The following LMX1A variants were observed in gnomAD, a reference collection of about 807,000 sequenced individuals.
LMX1A encodes the protein LIM homeobox transcription factor 1 alpha.
In LMX1A, 15 loss-of-function variants were observed where a neutral mutation model predicts 49.1. The observed-to-expected ratio is 0.31, with a 90% CI of 0.20 to 0.47. The LOEUF (loss-of-function observed/expected upper bound fraction) is 0.47, where lower values mean the gene tolerates loss of function less well. Among genes scored for constraint, LMX1A ranks in the 20% least tolerant of loss-of-function variants. The pLI, the probability that LMX1A is intolerant of heterozygous loss-of-function variation, is 1.00. For missense variants in LMX1A, 372 were observed against 475.8 expected (o/e 0.78, Z 2.03); for synonymous variants, 167 against 185.7 (o/e 0.90, Z 0.82).
intron 3 of LMX1A, among the ~76,000 whole-genome samples, chr1:165,297,001 G>T (rs1462483781): frequency 6.6e-6 from 1 of 152,218 alleles, no homozygotes; most frequent in Admixed American, 6.5e-5. Context: ...CAGGTGTCCT[G>T]GTCTGAGTGC....
chr1:165,279,123 A>G (rs553964739), intron 3 of LMX1A, among the ~76,000 whole-genome samples: 1 of 152,194 alleles, frequency 6.6e-6, no homozygotes, highest in Non-Finnish European at 1.5e-5. Context: ...TCCCTCATCA[A>G]TGAGTTCCAG....
intron 3 of LMX1A, among the ~76,000 whole-genome samples, chr1:165,313,436 C>A (rs1655128988): frequency 6.6e-6 from 1 of 150,440 alleles, no homozygotes; most frequent in African/African-American, 2.4e-5. Context: ...AATGATCAAC[C>A]AACTTCTTCA....
chr1:165,327,536 T>C (rs1039716306), intron 3 of LMX1A, among the ~76,000 whole-genome samples: 4 of 152,194 alleles, frequency 2.6e-5, no homozygotes, highest in African/African-American at 9.7e-5. Flanking sequence ...CCAGGTCCTA[T>C]CCCAGAACCC....
At chr1:165,210,016 A>G (rs1416987080) in intron 6 of LMX1A, among the ~76,000 whole-genome samples, 1 of 152,218 alleles carries the variant, frequency 6.6e-6, no homozygotes, top group Non-Finnish European at 1.5e-5. Flanking sequence ...TGTATGGAGA[A>G]TATCTCCACA....
chr1:165,347,412 T>C (rs1656284047), intron 3 of LMX1A, among the ~76,000 whole-genome samples: 1 of 152,170 alleles, frequency 6.6e-6, no homozygotes, highest in Non-Finnish European at 1.5e-5. Context: ...TCCTCCCACA[T>C]AGGAGCCTTT....
chr1:165,228,584 T>C (rs1279584609), intron 4 of LMX1A, among the ~76,000 whole-genome samples: 3 of 152,216 alleles, frequency 2.0e-5, no homozygotes, highest in African/African-American at 4.8e-5. Context: ...AGCACCTCCA[T>C]GCAATTGATT....
At chr1:165,302,954 A>G (rs1039519736) in intron 3 of LMX1A, among the ~76,000 whole-genome samples, 5 of 152,122 alleles carry the variant, frequency 3.3e-5, no homozygotes, top group Admixed American at 3.3e-4. Flanking sequence ...GTTGTTTGGA[A>G]CACTTCTTGC....
chr1:165,310,678 TG>T (rs1655050585), intron 3 of LMX1A, among the ~76,000 whole-genome samples: 1 of 152,228 alleles, frequency 6.6e-6, no homozygotes, highest in African/African-American at 2.4e-5. Context: ...TCCTTTATTT[TG>T]GGCATCGCTT....
chr1:165,282,054 C>T (rs1245091591), intron 3 of LMX1A, among the ~76,000 whole-genome samples: 1 of 152,172 alleles, frequency 6.6e-6, no homozygotes, highest in African/African-American at 2.4e-5. Flanking sequence ...AGCCCTCAGA[C>T]CACAGCCTTG....
intron 6 of LMX1A, among the ~76,000 whole-genome samples, chr1:165,209,402 C>T (rs1651268796): frequency 6.6e-6 from 1 of 152,176 alleles, no homozygotes; most frequent in South Asian, 2.1e-4. Flanking sequence ...CCCTAGGTAG[C>T]TTCAGGGTGG....
At chr1:165,252,768 A>G (rs1018511692) in intron 3 of LMX1A, among the ~76,000 whole-genome samples, 4 of 152,192 alleles carry the variant, frequency 2.6e-5, no homozygotes, top group Non-Finnish European at 4.4e-5. Context: ...CTCAGAGCCT[A>G]TCCAGGGAGA....
intron 3 of LMX1A, among the ~76,000 whole-genome samples, chr1:165,293,065 C>T (rs993388518): frequency 1.3e-5 from 2 of 150,778 alleles, no homozygotes; most frequent in Non-Finnish European, 1.5e-5. Flanking sequence ...TGCAGTGAGC[C>T]GAGATTGCAC....
chr1:165,245,631 CAAAA>C (rs10708273), intron 4 of LMX1A, among the ~76,000 whole-genome samples: 2 of 142,854 alleles, frequency 1.4e-5, no homozygotes, highest in African/African-American at 2.6e-5. Flanking sequence ...CTGACCAGGG[CAAAA>C]AAAAAAAAAA....
chr1:165,255,589 T>A (rs1201825312), intron 3 of LMX1A, among the ~76,000 whole-genome samples: 1 of 152,242 alleles, frequency 6.6e-6, no homozygotes, highest in Non-Finnish European at 1.5e-5. Context: ...TTGTGACCTA[T>A]AAGGTGTAGT....
intron 3 of LMX1A, among the ~76,000 whole-genome samples, chr1:165,256,575 T>C (rs1653248188): frequency 6.6e-6 from 1 of 152,204 alleles, no homozygotes; most frequent in Admixed American, 6.5e-5. Context: ...CATTCAAATA[T>C]ATATAAATAT....
Position 165,355,190 on chromosome 1 carries a change from GC to G in LMX1A, c.76+293del, listed in dbSNP as rs1351972919. On this transcript the variant is annotated intron_variant, in intron 2 of 8. Transcript: ENST00000342310. The surrounding 1 kb of genome is among the most constrained non-coding windows in gnomAD (Gnocchi z 4.7). ...GATCAGCTCCGAGATTAAAAATCCA[GC>G]CCTGGGTATTTTTAATCACTTGCCA... is the stretch of plus-strand genomic sequence containing the variant. Among the ~76,000 whole-genome samples, 1 of 152,140 alleles carries G rather than the reference GC, an allele frequency of 6.6e-6. No homozygotes were observed. The highest frequency in any genetic ancestry group is 2.4e-5 in the African/African-American group (1 of 41,426).
rs186765776 is a variant in LMX1A, at chr1:165,206,481, C to A, written c.818-447G>T. ...TAAGAAAAGCAGGATTCACTTCCTG[C>A]CTCCACATCTTGCTGAGGTTCTCTG... On this transcript the variant is annotated intron_variant, in intron 7 of 8. Coordinates refer to ENST00000342310, the MANE Select transcript of LMX1A (RefSeq NM_177398.4). Among the ~76,000 whole-genome samples the A allele has an allele frequency of 1.2e-4, 18 of 152,250 alleles. No homozygotes were observed. The East Asian group carries it at 2.7e-3, about 23-fold the overall frequency.
At chr1:165,271,164 T>A (rs1483634895) in intron 3 of LMX1A, among the ~76,000 whole-genome samples, 5 of 152,050 alleles carry the variant, frequency 3.3e-5, no homozygotes, top group Admixed American at 2.0e-4. Context: ...CAAAGAGAAA[T>A]AAGGGCAAAT....
intron 3 of LMX1A, among the ~76,000 whole-genome samples, chr1:165,329,559 AAG>A (rs1187398449): frequency 4.6e-5 from 7 of 152,270 alleles, no homozygotes; most frequent in African/African-American, 7.2e-5. Context: ...TAAATGGGAA[AAG>A]AGAACAGAAC....
Sources: allele counts gnomAD v4.1 joint callset (sites outside exome capture counted in the v4.1 genomes callset), GRCh38; gene constraint gnomAD v4.1.1; non-coding constraint Gnocchi (gnomAD v3.1); transcripts MANE v1.5; gene names NCBI Gene and HGNC (gene_info 2026-07-23, HGNC 2026-07-21).